Variants in MDFIC observed in about 807,000 individuals in gnomAD.
The protein encoded by MDFIC is MyoD family inhibitor domain containing.
MDFIC carries 17 observed loss-of-function variants against 23.2 expected under a neutral mutation model. The ratio of observed to expected loss-of-function variants is 0.73; its 90% CI spans 0.50 to 1.10. The LOEUF (loss-of-function observed/expected upper bound fraction) is 1.10, where lower values mean the gene tolerates loss of function less well. Among genes scored for constraint, MDFIC ranks in the 50% least tolerant of loss-of-function variants. The pLI is 0.00. For missense variants in MDFIC, 356 were observed against 316.6 expected (o/e 1.12, Z -0.95); for synonymous variants, 120 against 115.2 (o/e 1.04, Z -0.27).
chr7:114,955,732 G>A (rs1299327461), intron 3 of MDFIC, among the ~76,000 whole-genome samples: 1 of 152,208 alleles, frequency 6.6e-6, no homozygotes, highest in Non-Finnish European at 1.5e-5. Context: ...TGTTTAAAAT[G>A]TGGATTGACT....
intron 3 of MDFIC, among the ~76,000 whole-genome samples, chr7:114,963,744 A>G (rs1308207407): frequency 6.6e-6 from 1 of 151,952 alleles, no homozygotes; most frequent in African/African-American, 2.4e-5. Context: ...CCATGCCTGG[A>G]TAATTTTATT....
intron 3 of MDFIC, among the ~76,000 whole-genome samples, chr7:114,961,195 T>C (rs1279147973): frequency 6.6e-6 from 1 of 152,032 alleles, no homozygotes. Flanking sequence ...CACAATCCTT[T>C]CCCCCCACAA....
intron 3 of MDFIC, among the ~76,000 whole-genome samples, chr7:114,973,670 T>C (rs948336222): frequency 6.6e-6 from 1 of 152,172 alleles, no homozygotes; most frequent in African/African-American, 2.4e-5. Flanking sequence ...AAACACAACT[T>C]CTAAAGTTTT....
intron 2 of MDFIC, among the ~76,000 whole-genome samples, chr7:114,927,630 C>G (rs1334489904): frequency 6.6e-6 from 1 of 152,062 alleles, no homozygotes; most frequent in Non-Finnish European, 1.5e-5. Context: ...CTTTATTTCA[C>G]TATTTCAGTA....
At chr7:114,922,892 A>T (rs1792113475) in intron 1 of MDFIC, 35 bp from the exon 2 acceptor site, 3 of 1,254,294 alleles carry the variant, frequency 2.4e-6, no homozygotes, top group Admixed American at 2.2e-5. Context: ...CTCTAAAAAC[A>T]TTTTTTTTTT....
At chr7:115,001,665 A>G (rs1213697818) in intron 4 of MDFIC, among the ~76,000 whole-genome samples, 2 of 152,190 alleles carry the variant, frequency 1.3e-5, no homozygotes, top group Non-Finnish European at 2.9e-5. Flanking sequence ...TGCCCAGGCC[A>G]GTGTGCTGGA....
chr7:114,968,040 C>T (rs1161565498), intron 3 of MDFIC, among the ~76,000 whole-genome samples: 2 of 152,032 alleles, frequency 1.3e-5, no homozygotes, highest in African/African-American at 4.8e-5. Context: ...TGGTGAAAAA[C>T]TTGTGGGCTC....
At chr7:114,973,466 T>C (rs1793248382) in intron 3 of MDFIC, among the ~76,000 whole-genome samples, 1 of 152,118 alleles carries the variant, frequency 6.6e-6, no homozygotes, top group Non-Finnish European at 1.5e-5. Flanking sequence ...TAATTCCTGC[T>C]CTCATTCCTT....
chr7:114,994,449 G>A (rs1013797745), intron 4 of MDFIC, among the ~76,000 whole-genome samples: 19 of 152,078 alleles, frequency 1.2e-4, no homozygotes. Flanking sequence ...TACCATCAAT[G>A]GTCTTTACAA....
chr7:115,005,432 C>A (rs1562828534), intron 4 of MDFIC, among the ~76,000 whole-genome samples: 1 of 152,184 alleles, frequency 6.6e-6, no homozygotes, highest in Non-Finnish European at 1.5e-5. Context: ...CAGACACTTA[C>A]AACCCTTTCT....
intron 2 of MDFIC, 74 bp downstream of exon 2, chr7:114,923,201 T>A: frequency 6.6e-7 from 1 of 1,507,890 alleles, no homozygotes; most frequent in Non-Finnish European, 8.9e-7. Context: ...AGTGCACAGA[T>A]AGGGGTGGGG....
chr7:114,924,496 G>T (rs1792152427), intron 2 of MDFIC, among the ~76,000 whole-genome samples: 1 of 152,192 alleles, frequency 6.6e-6, no homozygotes, highest in Non-Finnish European at 1.5e-5. Flanking sequence ...GGGAGAATGT[G>T]CAGTGGTACT....
At chr7:114,959,706 T>C (rs1792948346) in intron 3 of MDFIC, among the ~76,000 whole-genome samples, 1 of 151,998 alleles carries the variant, frequency 6.6e-6, no homozygotes, top group East Asian at 1.9e-4. Context: ...AGGAAGACTT[T>C]GGAATAAGTG....
chr7:114,956,462 C>G (rs1469655165), intron 3 of MDFIC, among the ~76,000 whole-genome samples: 1 of 151,762 alleles, frequency 6.6e-6, no homozygotes, highest in Non-Finnish European at 1.5e-5. Context: ...TACTTATTGC[C>G]TCCTGGAGAA....
chr7:114,946,475 A>G (rs1379563628), intron 3 of MDFIC, among the ~76,000 whole-genome samples: 2 of 152,126 alleles, frequency 1.3e-5, no homozygotes, highest in African/African-American at 4.8e-5. Context: ...GCTAATTCTA[A>G]ATGTCATTAC....
At chr7:114,967,464 T>A (rs1037451672) in intron 3 of MDFIC, among the ~76,000 whole-genome samples, 2 of 152,240 alleles carry the variant, frequency 1.3e-5, no homozygotes, top group Non-Finnish European at 2.9e-5. Context: ...ATGAGAAAGT[T>A]GACATGCTGA....
intron 3 of MDFIC, among the ~76,000 whole-genome samples, chr7:114,976,655 A>G (rs1455538325): frequency 1.3e-5 from 2 of 152,126 alleles, no homozygotes; most frequent in Non-Finnish European, 2.9e-5. Context: ...ATTAGTTTTT[A>G]TAAATCAGAT....
chr7:115,016,469 C>G lies in MDFIC; in HGVS notation c.*534C>G. On this transcript the variant is annotated 3_prime_UTR_variant, in exon 5 of 5. Transcript: ENST00000393486. ...GCAACATGGTGAAACCCCATCTCTA[C>G]TAAAATACAAAAAGTTAGCTGGGCT... 6.5e-6 allele frequency: 1 copy of G among 154,716 alleles called. No homozygotes were observed. Among genetic ancestry groups the G allele is most frequent in the Admixed American group, 6.4e-5 (1 of 15,642 alleles). 9.6% of individuals were successfully genotyped at this position (154,716 alleles called of 1,614,324 possible). A position where few individuals can be genotyped will look rare whatever the true frequency, so the allele number is the denominator to read the frequency against.
intron 3 of MDFIC, among the ~76,000 whole-genome samples, chr7:114,960,970 G>A (rs1018533085): frequency 1.3e-5 from 2 of 152,112 alleles, no homozygotes; most frequent in Non-Finnish European, 2.9e-5. Context: ...ACAAAACACA[G>A]TACTACCCCA....
Sources: allele counts gnomAD v4.1 joint callset (sites outside exome capture counted in the v4.1 genomes callset), GRCh38; gene constraint gnomAD v4.1.1; transcripts MANE v1.5; gene names NCBI Gene and HGNC (gene_info 2026-07-23, HGNC 2026-07-21).